The following TLL2 variants were observed in gnomAD, a reference collection of about 807,000 sequenced individuals.
TLL2 encodes tolloid like 2, also known as tolloid-like protein 2.
Under a neutral mutation model 123.0 loss-of-function variants are expected in TLL2, and 106 were observed. The observed-to-expected ratio is 0.86, with a 90% CI of 0.74 to 1.01. The LOEUF is 1.01. Among genes scored for constraint, TLL2 ranks in the 50% least tolerant of loss-of-function variants. TLL2 has a pLI of 0.00. For missense variants in TLL2, 1,332 were observed against 1,336.7 expected (o/e 1.00, Z 0.06); for synonymous variants, 494 against 516.8 (o/e 0.96, Z 0.60).
intron 16 of TLL2, among the ~76,000 whole-genome samples, chr10:96,380,780 G>C (rs1427252688): frequency 1.3e-5 from 2 of 150,378 alleles, no homozygotes; most frequent in Non-Finnish European, 3.0e-5. Context: ...AGCACTTTGG[G>C]AGGCCGAGGC....
rs12268471 is a variant in TLL2, at chr10:96,375,111, G to T, written c.2449-1302C>A. Among the ~76,000 whole-genome samples, 1,075 of 152,192 alleles carry T rather than the reference G, an allele frequency of 7.1e-3. 15 individuals carry two copies. The highest frequency in any genetic ancestry group is 0.024 in the African/African-American group (986 of 41,524). The stretch of plus-strand genomic sequence containing the variant: ...TAACGTACTTGGGCAAAGCTCTCCC[G>T]CCAGTGACATAGGGAGCACTGGGCC... On this transcript the variant is annotated intron_variant, in intron 18 of 20. Coordinates refer to ENST00000357947, the MANE Select transcript of TLL2 (RefSeq NM_012465.4).
rs763812696 is a variant in TLL2 at position 96,395,986 on chromosome 10, A to C, written c.1419T>G (p.Gly473=). 79 of 1,614,066 alleles carry C rather than the reference A, an allele frequency of 4.9e-5. No homozygotes were observed. The highest frequency in any genetic ancestry group is 6.5e-5 in the Non-Finnish European group (77 of 1,180,040). The change falls in exon 12 of 21, where the codon GGT becomes GGG. Residue 473 remains glycine (G), a synonymous_variant. Coordinates refer to ENST00000357947, the MANE Select transcript of TLL2 (RefSeq NM_012465.4). ...TCGGDMNKDA[G]QIQSPNYPDD... ...CCGGATAGTTGGGAGATTGAATCTG[A>C]CCGGCATCTTTGTTCATGTCTCCCC...
rs1415757290 is a variant in TLL2 at position 96,428,555 on chromosome 10, G to T, written c.638+76C>A. 6 of 934,526 alleles carry T rather than the reference G, an allele frequency of 6.4e-6. 1 individual carries two copies. The South Asian group carries it at 9.0e-5, about 14-fold the overall frequency. 57.9% of individuals were successfully genotyped at this position (934,526 alleles called of 1,614,324 possible). ...AATAACAGCTCATTGGAAATACTTA[G>T]GTTTACAGAGAAAATTCAACACTCA... On this transcript the variant is annotated intron_variant, in intron 5 of 20. Transcript: ENST00000357947.
At chr10:96,469,502 G>A (rs536197437) in intron 2 of TLL2, among the ~76,000 whole-genome samples, 2 of 152,148 alleles carry the variant, frequency 1.3e-5, no homozygotes, top group Non-Finnish European at 2.9e-5. Context: ...TCTGCCTCTG[G>A]TGGGGCCCTG....
At chr10:96,455,101 G>A (rs1846998981) in intron 2 of TLL2, among the ~76,000 whole-genome samples, 1 of 152,094 alleles carries the variant, frequency 6.6e-6, no homozygotes, top group Non-Finnish European at 1.5e-5. Context: ...AATTAGCCAG[G>A]CATGGTGGCG....
chr10:96,377,084 T>C (rs1177546707), intron 17 of TLL2, among the ~76,000 whole-genome samples: 1 of 152,234 alleles, frequency 6.6e-6, no homozygotes, highest in Non-Finnish European at 1.5e-5. Context: ...CTTGCAAATA[T>C]GTTAAAAGCA....
intron 5 of TLL2, among the ~76,000 whole-genome samples, chr10:96,428,245 C>T (rs1846698170): frequency 6.6e-6 from 1 of 152,164 alleles, no homozygotes; most frequent in African/African-American, 2.4e-5. Context: ...TGTAGAATCC[C>T]TCAAATTAAA....
Position 96,365,091 on chromosome 10 carries a change from A to G in TLL2, c.*2997T>C, listed in dbSNP as rs1846010649. 1 of 152,194 alleles carries G rather than the reference A, an allele frequency of 6.6e-6. No homozygotes were observed. The highest frequency in any genetic ancestry group is 2.0e-4 in the South Asian group (1 of 4,900). 9.4% of individuals were successfully genotyped at this position (152,194 alleles called of 1,614,324 possible). A position where few individuals can be genotyped will look rare whatever the true frequency, so the allele number is the denominator to read the frequency against. ...TCTTGGGCCACACATAAAATACACTAACGATAGCTGACGAGAAAAAAAAAA... is the reference window on the plus strand; with the variant it reads ...TCTTGGGCCACACATAAAATACACTGACGATAGCTGACGAGAAAAAAAAAA... On this transcript the variant is annotated 3_prime_UTR_variant, in exon 21 of 21. Coordinates refer to ENST00000357947, the MANE Select transcript of TLL2 (RefSeq NM_012465.4).
At chr10:96,456,011 T>A (rs564890540) in intron 2 of TLL2, among the ~76,000 whole-genome samples, 9 of 152,354 alleles carry the variant, frequency 5.9e-5, no homozygotes, top group South Asian at 4.1e-4. Context: ...TGCTACCTTA[T>A]GAGCATTTCC....
chr10:96,484,275 G>A (rs377724453), intron 1 of TLL2, among the ~76,000 whole-genome samples: 1 of 152,150 alleles, frequency 6.6e-6, no homozygotes, highest in East Asian at 1.9e-4. Flanking sequence ...AGGATATTCC[G>A]GAAACAGCCC....
At chr10:96,487,134 C>T (rs1213514969) in intron 1 of TLL2, among the ~76,000 whole-genome samples, 2 of 152,232 alleles carry the variant, frequency 1.3e-5, no homozygotes, top group African/African-American at 2.4e-5. Context: ...GGGTAACTCA[C>T]TTGGTCTCTC....
intron 7 of TLL2, among the ~76,000 whole-genome samples, chr10:96,414,412 G>A (rs1024684094): frequency 4.6e-5 from 7 of 152,166 alleles, no homozygotes; most frequent in African/African-American, 1.4e-4. Context: ...TCCAATCTCC[G>A]TCTGCCCTCT....
chr10:96,381,175 C>T (rs559713436), intron 16 of TLL2, among the ~76,000 whole-genome samples: 1 of 152,310 alleles, frequency 6.6e-6, no homozygotes, highest in East Asian at 1.9e-4. Context: ...GCTACATCCT[C>T]CTCTGAGGTG....
chr10:96,450,112 C>T (rs910261171), intron 2 of TLL2, among the ~76,000 whole-genome samples: 6 of 147,726 alleles, frequency 4.1e-5, no homozygotes, highest in Non-Finnish European at 6.0e-5. Context: ...AAATACAGAA[C>T]GGATGGATGA....
chr10:96,499,545 G>A (rs942680219), intron 1 of TLL2, among the ~76,000 whole-genome samples: 1 of 152,068 alleles, frequency 6.6e-6, no homozygotes, highest in South Asian at 2.1e-4. Flanking sequence ...AATTAACTTG[G>A]GTCTGTTACT....
chr10:96,476,877 C>G (rs113830936), intron 2 of TLL2, among the ~76,000 whole-genome samples: 21 of 149,782 alleles, frequency 1.4e-4, no homozygotes, highest in South Asian at 6.4e-4. Flanking sequence ...CACACACACA[C>G]ACACACACAC....
chr10:96,376,662 C>T (rs1199332359), intron 18 of TLL2, 30 bp downstream of exon 18: 4 of 1,607,780 alleles, frequency 2.5e-6, no homozygotes, highest in African/African-American at 1.3e-5. Context: ...CTCAAGTCCA[C>T]ATTCTCAATA....
At chr10:96,451,494 C>T (rs1447598620) in intron 2 of TLL2, among the ~76,000 whole-genome samples, 1 of 152,232 alleles carries the variant, frequency 6.6e-6, no homozygotes, top group East Asian at 1.9e-4. Context: ...ACAACAGTGA[C>T]TATGAATTCA....
chr10:96,510,385 C>A (rs910664618), intron 1 of TLL2, among the ~76,000 whole-genome samples: 1 of 152,218 alleles, frequency 6.6e-6, no homozygotes, highest in Non-Finnish European at 1.5e-5. Flanking sequence ...GCTTCACAGA[C>A]TAACTTCCAC....
Sources: gnomAD v4.1 joint callset for allele counts (sites outside exome capture counted in the v4.1 genomes callset) on GRCh38, gnomAD v4.1.1 for gene constraint, MANE v1.5 for transcripts, NCBI Gene and HGNC (gene_info 2026-07-23, HGNC 2026-07-21) for gene names.